The following ZNF121 variants were observed in gnomAD, a reference collection of about 807,000 sequenced individuals.
ZNF121 encodes the protein zinc finger protein 121 (clone ZHC32).
In ZNF121, 1 loss-of-function variant was observed where a neutral mutation model predicts 2.4. The ratio of observed to expected loss-of-function variants is 0.41; its 90% CI spans 0.15 to 1.94. The LOEUF is 1.94. Ranked by LOEUF, ZNF121 falls within the 30% of genes most tolerant of loss-of-function variation. ZNF121 has a pLI of 0.30. For missense variants in ZNF121, 369 were observed against 466.3 expected, an observed-to-expected ratio of 0.79 and a Z score of 1.92; for synonymous variants, 173 against 158.6, an observed-to-expected ratio of 1.09 and a Z score of -0.68.
At position 9,566,211 on chromosome 19, in the gene ZNF121, T is replaced by C; in HGVS notation, c.902A>G (p.Asn301Ser). The change falls in exon 4 of 4, where the codon AAT becomes AGT. Residue 301 changes from asparagine to serine, a missense_variant. Physicochemically the swap from Asn to Ser is conservative, Grantham distance 46. Around this residue, in one of 4 missense-constraint regions of ZNF121, gnomAD observed 127 missense variants for 169.9 expected, o/e 0.75. Transcript: ENST00000320451. ...CTCTCCAGTATGGATTTTTACATGA[T>C]TATGTAAGCTTGAGGAAACAGTGAA... ...KAFTVSSSLH[N>S]HVKIHTGEKP... The C allele has an allele frequency of 6.2e-7, 1 of 1,614,132 alleles. No homozygotes were observed. The highest frequency in any genetic ancestry group is 8.5e-7 in the Non-Finnish European group (1 of 1,180,024).
chr19:9,575,147 C>T (rs979263407), intron 1 of ZNF121, among the ~76,000 whole-genome samples: 2 of 152,182 alleles, frequency 1.3e-5, no homozygotes, highest in African/African-American at 4.8e-5. Flanking sequence ...CAGGTCAGCA[C>T]AATGTCTCAT....
At chr19:9,583,220 AAAAC>A (rs945829266) in intron 1 of ZNF121, among the ~76,000 whole-genome samples, 38 of 151,156 alleles carry the variant, frequency 2.5e-4, no homozygotes, top group Admixed American at 2.1e-3. Flanking sequence ...CCGTCTGAAA[AAAAC>A]AAACAAAAGC....
At chr19:9,576,094 A>C (rs190135709) in intron 1 of ZNF121, among the ~76,000 whole-genome samples, 8 of 152,368 alleles carry the variant, frequency 5.3e-5, no homozygotes, top group African/African-American at 1.9e-4. Flanking sequence ...AGAACAGGCC[A>C]TATCTTAGGC....
intron 1 of ZNF121, 148 bp from the exon 2 acceptor site, chr19:9,569,230 T>C (rs760770520): frequency 2.0e-5 from 3 of 152,182 alleles, no homozygotes; most frequent in Non-Finnish European, 4.4e-5. Flanking sequence ...TTTTGTGCCC[T>C]GAGGAGTTGG....
chr19:9,561,572 G>A lies in ZNF121; in HGVS notation c.*4368C>T, dbSNP rs1318928909. On this transcript the variant is annotated 3_prime_UTR_variant, in exon 4 of 4. Transcript: ENST00000320451. ...TACAAAATTCCAGTTAAGAAATGTA[G>A]AAGAAACTATGGAATTAGAAAATCA... 3.9e-5 allele frequency: 6 copies of A among 152,152 alleles called. No individual in the cohort carries two copies. The highest frequency in any genetic ancestry group is 3.9e-4 in the Admixed American group (6 of 15,266). The allele number at this position is 152,152 out of a possible 1,614,324, so 9.4% of individuals were successfully genotyped here.
At chr19:9,570,560 T>G (rs2074166637) in intron 1 of ZNF121, among the ~76,000 whole-genome samples, 1 of 152,026 alleles carries the variant, frequency 6.6e-6, no homozygotes, top group Admixed American at 6.6e-5. Flanking sequence ...TTCCCTGGGT[T>G]TTTTTGTTTG....
At chr19:9,583,767 A>G (rs2074265874) in intron 1 of ZNF121, among the ~76,000 whole-genome samples, 1 of 151,984 alleles carries the variant, frequency 6.6e-6, no homozygotes, top group Admixed American at 6.6e-5. Flanking sequence ...GACCTCCCAA[A>G]TGGCTGGGAC....
chr19:9,571,401 G>A (rs1260462227), intron 1 of ZNF121, among the ~76,000 whole-genome samples: 8 of 152,072 alleles, frequency 5.3e-5, no homozygotes, highest in African/African-American at 1.9e-4. Flanking sequence ...TTACCACACT[G>A]AAATCATTCA....
At chr19:9,572,151 G>A (rs2074178817) in intron 1 of ZNF121, among the ~76,000 whole-genome samples, 1 of 152,076 alleles carries the variant, frequency 6.6e-6, no homozygotes, top group East Asian at 1.9e-4. Flanking sequence ...TCAATCCCCT[G>A]ACAGAAAACT....
At position 9,566,705 on chromosome 19, in the gene ZNF121, T is replaced by A; in HGVS notation, c.408A>T (p.Lys136Asn). ...CGTAGGGTTTTTCTACAGTATGCAT[T>A]TTAACAGACACAGCATGGCTTGTGG... is the stretch of plus-strand genomic sequence containing the variant. ...TYSTSHAVSVKMHTVEKPYEC... is the reference protein window; with the variant it reads ...TYSTSHAVSVNMHTVEKPYEC... Residue 136 changes from lysine to asparagine, a missense_variant, in exon 4 of 4, where the codon AAA becomes AAT. Coordinates refer to ENST00000320451, the MANE Select transcript of ZNF121 (RefSeq NM_001008727.5). 1 of 1,614,222 alleles carries A rather than the reference T, an allele frequency of 6.2e-7. No individual in the cohort carries two copies. Among genetic ancestry groups the A allele is most frequent in the South Asian group, 1.1e-5 (1 of 91,084 alleles).
In ZNF121 at chr19:9,560,807, T is replaced by C. The variant is rs1024849089; in HGVS notation, c.*5133A>G. 2.0e-5 allele frequency: 3 copies of C among 152,244 alleles called. No homozygotes were observed. Among genetic ancestry groups the C allele is most frequent in the Middle Eastern group, 3.2e-3 (1 of 316 alleles). The allele number at this position is 152,244 out of a possible 1,614,324, so 9.4% of individuals were successfully genotyped here. ...GGTAGGCATTCACACATTGAGATGC[T>C]TTCTTCAGTTCCTTTGGACATGTAC... is the stretch of plus-strand genomic sequence containing the variant. On this transcript the variant is annotated 3_prime_UTR_variant, in exon 4 of 4. Transcript: ENST00000320451.
At position 9,569,010 on chromosome 19, in the gene ZNF121, A is replaced by C. The variant is rs1283668439; in HGVS notation, c.-87T>G. The stretch of plus-strand genomic sequence containing the variant: ...GTGTTCTTCATACTCACCTTGGGGA[A>C]CTCCGGTTGGCAATGTGCTCAACTT... On this transcript the variant is annotated 5_prime_UTR_variant, in exon 2 of 4. Coordinates refer to ENST00000320451, the MANE Select transcript of ZNF121 (RefSeq NM_001008727.5). 3.3e-5 allele frequency: 5 copies of C among 153,106 alleles called. No homozygotes were observed. Among genetic ancestry groups the C allele is most frequent in the Non-Finnish European group, 7.3e-5 (5 of 68,100 alleles). The allele number at this position is 153,106 out of a possible 1,614,324, so 9.5% of individuals were successfully genotyped here. A position where few individuals can be genotyped will look rare whatever the true frequency, so the allele number is the denominator to read the frequency against.
rs201080913 is a variant in ZNF121 at position 9,569,189 on chromosome 19, T to C, written c.-159-107A>G. 13 of 152,352 alleles carry C rather than the reference T, an allele frequency of 8.5e-5. No homozygotes were observed. The East Asian group carries it at 2.5e-3, about 29-fold the overall frequency. The allele number at this position is 152,352 out of a possible 1,614,324, so 9.4% of individuals were successfully genotyped here. A position where few individuals can be genotyped will look rare whatever the true frequency, so the allele number is the denominator to read the frequency against. ...CCTAAAGAGAGTAGTGAAACTATTT[T>C]AAAAGAGCTCAAATTTCATATATCT... On this transcript the variant is annotated intron_variant, in intron 1 of 3. Coordinates refer to ENST00000320451, the MANE Select transcript of ZNF121 (RefSeq NM_001008727.5).
chr19:9,574,678 G>A (rs964246405), intron 1 of ZNF121, among the ~76,000 whole-genome samples: 1 of 152,200 alleles, frequency 6.6e-6, no homozygotes, highest in African/African-American at 2.4e-5. Flanking sequence ...AGAAAGGAAG[G>A]AGGAAGTAAC....
intron 1 of ZNF121, among the ~76,000 whole-genome samples, chr19:9,571,515 T>C (rs2144812410): frequency 6.6e-6 from 1 of 152,308 alleles, no homozygotes; most frequent in Middle Eastern, 3.4e-3. Flanking sequence ...TATGCAGGCA[T>C]TGACATAGCT....
chr19:9,577,769 C>A (rs1386264596), intron 1 of ZNF121, among the ~76,000 whole-genome samples: 4 of 152,068 alleles, frequency 2.6e-5, no homozygotes, highest in African/African-American at 9.7e-5. Context: ...GCTGGAGTGG[C>A]CAGGTGCAGT....
rs2074118923 is a variant in ZNF121 at position 9,564,770 on chromosome 19, G to C, written c.*1170C>G. 2 of 152,232 alleles carry C rather than the reference G, an allele frequency of 1.3e-5. No individual in the cohort carries two copies. Among genetic ancestry groups the C allele is most frequent in the African/African-American group, 4.8e-5 (2 of 41,468 alleles). The allele number at this position is 152,232 out of a possible 1,614,324, so 9.4% of individuals were successfully genotyped here. A position where few individuals can be genotyped will look rare whatever the true frequency, so the allele number is the denominator to read the frequency against. On this transcript the variant is annotated 3_prime_UTR_variant, in exon 4 of 4. Coordinates refer to ENST00000320451, the MANE Select transcript of ZNF121 (RefSeq NM_001008727.5). ...CCAATTCTAAAAGAAGTTCCACTAT[G>C]CGTAAAATGTTATCAAACAGCGTCG...
rs1380393461 is a variant in ZNF121 at position 9,564,779 on chromosome 19, G to A, written c.*1161C>T. ...AAAGAAGTTCCACTATGCGTAAAATGTTATCAAACAGCGTCGAATGCTAAA... is the reference window on the plus strand; with the variant it reads ...AAAGAAGTTCCACTATGCGTAAAATATTATCAAACAGCGTCGAATGCTAAA... On this transcript the variant is annotated 3_prime_UTR_variant, in exon 4 of 4. Transcript: ENST00000320451. 1 of 152,248 alleles carries A rather than the reference G, an allele frequency of 6.6e-6. No individual in the cohort carries two copies. Among genetic ancestry groups the A allele is most frequent in the Non-Finnish European group, 1.5e-5 (1 of 68,038 alleles). 9.4% of individuals were successfully genotyped at this position (152,248 alleles called of 1,614,324 possible). A position where few individuals can be genotyped will look rare whatever the true frequency, so the allele number is the denominator to read the frequency against.
intron 2 of ZNF121, among the ~76,000 whole-genome samples, 166 bp from the exon 3 acceptor site, chr19:9,568,341 A>G (rs536523836): frequency 6.6e-6 from 1 of 152,180 alleles, no homozygotes; most frequent in Non-Finnish European, 1.5e-5. Context: ...ACATTTGGCA[A>G]TCGTAAGGAC....
Sources: gnomAD v4.1 joint callset for allele counts (sites outside exome capture counted in the v4.1 genomes callset) on GRCh38, gnomAD v4.1.1 for gene constraint, gnomAD v4.1.1 regional missense constraint, MANE v1.5 for transcripts, NCBI Gene and HGNC (gene_info 2026-07-23, HGNC 2026-07-21) for gene names.